The following TRAPPC9 variants were observed in gnomAD, a reference collection of about 807,000 sequenced individuals.
TRAPPC9 encodes the protein trafficking protein particle complex subunit 9, also known as IKK2 binding protein.
In TRAPPC9, 83 loss-of-function variants were observed where a neutral mutation model predicts 124.0. That is an observed-to-expected ratio of 0.67 (90% CI 0.56 to 0.80). TRAPPC9 has a LOEUF of 0.80. Ranked by LOEUF, TRAPPC9 falls within the 30% of genes least tolerant of loss-of-function variation. TRAPPC9 has a pLI of 0.00. For synonymous variants in TRAPPC9, 638 were observed against 617.5 expected, an observed-to-expected ratio of 1.03 and a Z score of -0.49; for missense variants, 1,302 against 1,508.3, an observed-to-expected ratio of 0.86 and a Z score of 2.27.
At chr8:139,954,850 A>T (rs1396151178) in intron 19 of TRAPPC9, among the ~76,000 whole-genome samples, 2 of 151,536 alleles carry the variant, frequency 1.3e-5, no homozygotes, top group African/African-American at 4.9e-5. Flanking sequence ...TTGTATACAC[A>T]GGCATGTTAA....
At chr8:139,768,905 G>A (rs750306872) in intron 21 of TRAPPC9, among the ~76,000 whole-genome samples, 8 of 152,054 alleles carry the variant, frequency 5.3e-5, no homozygotes, top group Admixed American at 1.3e-4. Context: ...CAATCCTCTC[G>A]GACTGGTGTC....
In TRAPPC9 at chr8:140,445,916, C is replaced by A. The variant is rs189305896; in HGVS notation, c.584+4874G>T. ...ACTAGGCCAGCCAAAGAGTGTCCTG[C>A]AGGGCTGCCCTTGGTGTTGGAGACT... On this transcript the variant is annotated intron_variant, in intron 2 of 22. Transcript: ENST00000438773. Among the ~76,000 whole-genome samples, 5 of 152,354 alleles carry A rather than the reference C, an allele frequency of 3.3e-5. No individual in the cohort carries two copies. In the East Asian group the frequency reaches 9.6e-4, roughly 29 times the overall value.
intron 19 of TRAPPC9, among the ~76,000 whole-genome samples, chr8:139,987,359 C>T (rs1406977864): frequency 4.6e-5 from 7 of 152,316 alleles, no homozygotes; most frequent in African/African-American, 1.7e-4. Context: ...TTTATATCCC[C>T]ACCCACAAGG....
chr8:140,134,409 G>A (rs1328018704), intron 17 of TRAPPC9, among the ~76,000 whole-genome samples: 1 of 152,144 alleles, frequency 6.6e-6, no homozygotes, highest in Non-Finnish European at 1.5e-5. Flanking sequence ...GGGATTACAG[G>A]TGCTTGTCAC....
chr8:139,909,252 T>C (rs1331536141), intron 20 of TRAPPC9, among the ~76,000 whole-genome samples: 2 of 152,176 alleles, frequency 1.3e-5, no homozygotes, highest in Non-Finnish European at 2.9e-5. Flanking sequence ...GGAGATGGGC[T>C]CTCATGCCTC....
intron 21 of TRAPPC9, among the ~76,000 whole-genome samples, chr8:139,883,518 T>C (rs1334802288): frequency 6.6e-6 from 1 of 152,200 alleles, no homozygotes; most frequent in Non-Finnish European, 1.5e-5. Flanking sequence ...TTCCAGGCTG[T>C]TCTGTGCTGA....
chr8:139,917,860 T>A (rs951984897), intron 19 of TRAPPC9, among the ~76,000 whole-genome samples: 6 of 152,150 alleles, frequency 3.9e-5, no homozygotes, highest in South Asian at 2.1e-4. Context: ...TGCTGACAGG[T>A]GCTTGGAGAT....
intron 21 of TRAPPC9, among the ~76,000 whole-genome samples, chr8:139,773,683 C>T (rs924420938): frequency 7.2e-5 from 11 of 152,178 alleles, no homozygotes; most frequent in Non-Finnish European, 1.5e-4. Flanking sequence ...CCTCACCACC[C>T]GCTCACTCCA....
intron 17 of TRAPPC9, among the ~76,000 whole-genome samples, chr8:140,130,917 G>A (rs776760397): frequency 6.6e-6 from 1 of 152,070 alleles, no homozygotes; most frequent in South Asian, 2.1e-4. Flanking sequence ...TTAGGAAATA[G>A]GACAGAAAAT....
chr8:140,418,463 G>A (rs1029796346), intron 5 of TRAPPC9, among the ~76,000 whole-genome samples: 11 of 152,220 alleles, frequency 7.2e-5, no homozygotes, highest in African/African-American at 2.4e-4. Flanking sequence ...GCTCACGCCT[G>A]TAATCCCAGC....
chr8:140,440,972 CTTTTTT>C lies in TRAPPC9; in HGVS notation c.585-1781_585-1776del, dbSNP rs60379205. On this transcript the variant is annotated intron_variant, in intron 2 of 22. Coordinates refer to ENST00000438773, the MANE Select transcript of TRAPPC9 (RefSeq NM_001160372.4). The stretch of plus-strand genomic sequence containing the variant: ...TTGATGTGTTTCTAGAACACTGTTA[CTTTTTT>C]TTTTTTTTTTTTTTTTTGGAGACAA... Among the ~76,000 whole-genome samples, 37 of 80,292 alleles carry C rather than the reference CTTTTTT, an allele frequency of 4.6e-4. No homozygotes were observed. The South Asian group carries it at 0.014, about 31-fold the overall frequency. 52.7% of individuals were successfully genotyped at this position (80,292 alleles called of 152,430 possible).
chr8:140,311,173 C>A (rs1187121946), intron 10 of TRAPPC9, 75 bp downstream of exon 10: 1 of 1,574,566 alleles, frequency 6.4e-7, no homozygotes, highest in African/African-American at 1.3e-5. Flanking sequence ...TTCTAAAGAT[C>A]TCTATTCACA....
At chr8:140,451,530 A>G (rs2071463194) in intron 1 of TRAPPC9, 147 bp from the exon 2 acceptor site, 2 of 712,998 alleles carry the variant, frequency 2.8e-6, no homozygotes, top group South Asian at 3.0e-5. Flanking sequence ...TTAGGGCTCT[A>G]CACGTGGCTG....
At chr8:139,983,648 T>C (rs749736313) in intron 19 of TRAPPC9, among the ~76,000 whole-genome samples, 13 of 152,242 alleles carry the variant, frequency 8.5e-5, no homozygotes, top group Middle Eastern at 3.4e-3. Flanking sequence ...AAGGCCCAGT[T>C]TGCTTCTCCA....
chr8:140,297,945 C>T (rs981072751), intron 11 of TRAPPC9, among the ~76,000 whole-genome samples: 1 of 152,154 alleles, frequency 6.6e-6, no homozygotes, highest in African/African-American at 2.4e-5. Flanking sequence ...CCATAGGGTA[C>T]TAATGGGAAC....
intron 7 of TRAPPC9, among the ~76,000 whole-genome samples, chr8:140,386,378 C>T (rs2068756225): frequency 3.3e-5 from 5 of 152,186 alleles, no homozygotes; most frequent in Admixed American, 3.3e-4. Flanking sequence ...GTCAAATTGT[C>T]CCTGTTTGCA....
Position 140,312,760 on chromosome 8 carries a change from T to TC in TRAPPC9, c.1496-1387_1496-1386insG, listed in dbSNP as rs1374830771. Among the ~76,000 whole-genome samples the TC allele has an allele frequency of 1.7e-3, 239 of 142,484 alleles. 1 individual carries two copies. The highest frequency in any genetic ancestry group is 3.5e-4 in the Non-Finnish European group (23 of 65,512). 93.5% of individuals were successfully genotyped at this position (142,484 alleles called of 152,430 possible). A position where few individuals can be genotyped will look rare whatever the true frequency, so the allele number is the denominator to read the frequency against. ...TACGCATTCTTCTTCTTCTTCTTCT[T>TC]TTTTTTTTTTTTTTTTTGAAACAGG... On this transcript the variant is annotated intron_variant, in intron 9 of 22. Coordinates refer to ENST00000438773, the MANE Select transcript of TRAPPC9 (RefSeq NM_001160372.4).
intron 15 of TRAPPC9, among the ~76,000 whole-genome samples, chr8:140,270,087 G>A (rs1346009190): frequency 3.3e-5 from 5 of 151,646 alleles, no homozygotes; most frequent in African/African-American, 1.2e-4. Flanking sequence ...GCAACAGAGC[G>A]AGACTCCATC....
chr8:140,214,861 G>C (rs1353489674), intron 17 of TRAPPC9, among the ~76,000 whole-genome samples: 1 of 152,138 alleles, frequency 6.6e-6, no homozygotes. Flanking sequence ...CCCACTTCTC[G>C]GGGTGCTCCC....
Sources: gnomAD v4.1 joint callset for allele counts (sites outside exome capture counted in the v4.1 genomes callset) on GRCh38, gnomAD v4.1.1 for gene constraint, MANE v1.5 for transcripts, NCBI Gene and HGNC (gene_info 2026-07-23, HGNC 2026-07-21) for gene names.